The following OSBPL1A variants were observed in gnomAD, a reference collection of about 807,000 sequenced individuals.
OSBPL1A encodes oxysterol-binding protein-related protein 1.
Under a neutral mutation model 137.1 loss-of-function variants are expected in OSBPL1A, and 80 were observed. That is an observed-to-expected ratio of 0.58 (90% confidence interval 0.49 to 0.70). The LOEUF (loss-of-function observed/expected upper bound fraction) is 0.70. Among genes scored for constraint, OSBPL1A ranks in the 30% least tolerant of loss-of-function variants. OSBPL1A has a pLI of 0.00. For synonymous variants in OSBPL1A, 365 were observed against 389.7 expected (o/e 0.94, Z 0.75); for missense variants, 970 against 1,129.4 (o/e 0.86, Z 2.02).
intron 18 of OSBPL1A, among the ~76,000 whole-genome samples, chr18:24,189,527 G>A (rs2086832653): frequency 6.6e-6 from 1 of 152,140 alleles, no homozygotes; most frequent in South Asian, 2.1e-4. Flanking sequence ...GATGAAGATG[G>A]CACTGGATGT....
At chr18:24,264,682 GCTTAT>G (rs1345007968) in intron 15 of OSBPL1A, among the ~76,000 whole-genome samples, 4 of 152,328 alleles carry the variant, frequency 2.6e-5, no homozygotes, top group African/African-American at 7.2e-5. Context: ...TTGGCCATCT[GCTTAT>G]CTTATTTCTA....
At chr18:24,277,812 T>C (rs1194094756) in intron 15 of OSBPL1A, among the ~76,000 whole-genome samples, 1 of 152,260 alleles carries the variant, frequency 6.6e-6, no homozygotes, top group East Asian at 1.9e-4. Flanking sequence ...TTGCAGTGCC[T>C]TCTCACTGTT....
chr18:24,203,607 C>T (rs758135586), intron 17 of OSBPL1A, among the ~76,000 whole-genome samples: 1 of 152,098 alleles, frequency 6.6e-6, no homozygotes, highest in Non-Finnish European at 1.5e-5. Context: ...AGTCTTTCCC[C>T]GCTTTGTTCT....
intron 17 of OSBPL1A, chr18:24,218,273 T>C (rs931240654): frequency 6.6e-6 from 1 of 152,192 alleles, no homozygotes; most frequent in South Asian, 2.1e-4. Flanking sequence ...TAGAGATACA[T>C]ACTGAGTTAT....
At position 24,322,106 on chromosome 18, in the gene OSBPL1A, CTTTTTT is replaced by C. The variant is rs71266986; in HGVS notation, c.626-3303_626-3298del. Among the ~76,000 whole-genome samples the C allele has an allele frequency of 4.1e-3, 506 of 122,762 alleles. 2 individuals carry two copies. Among genetic ancestry groups the C allele is most frequent in the Middle Eastern group, 8.8e-3 (2 of 228 alleles). 80.5% of individuals were successfully genotyped at this position (122,762 alleles called of 152,430 possible). A position where few individuals can be genotyped will look rare whatever the true frequency, so the allele number is the denominator to read the frequency against. ...TTTTAACATAGAGAGAAATATGTGA[CTTTTTT>C]TTTTTTTTTTTTTTTGAGACAGAGT... On this transcript the variant is annotated intron_variant, in intron 7 of 27. Transcript: ENST00000319481.
intron 1 of OSBPL1A, among the ~76,000 whole-genome samples, chr18:24,390,964 G>C (rs958045893): frequency 6.6e-6 from 1 of 151,958 alleles, no homozygotes; most frequent in Admixed American, 6.6e-5. Flanking sequence ...GCCTGGTGTG[G>C]CGGTGCGTGC....
At chr18:24,190,558 C>T (rs751813204) in intron 18 of OSBPL1A, among the ~76,000 whole-genome samples, 1 of 152,090 alleles carries the variant, frequency 6.6e-6, no homozygotes, top group Non-Finnish European at 1.5e-5. Flanking sequence ...GAGAAAGACA[C>T]GACATGAGAA....
At position 24,318,575 on chromosome 18, in the gene OSBPL1A, A is replaced by G. The variant is rs756687952; in HGVS notation, c.732+26T>C. On this transcript the variant is annotated intron_variant, in intron 9 of 27. Transcript: ENST00000319481. Reference sequence around the variant, plus strand: ...CCTGAGAATTATTCTTTACAGTTATATAATTAAAAAACCACCTCAACTTAC... The same window carrying G: ...CCTGAGAATTATTCTTTACAGTTATGTAATTAAAAAACCACCTCAACTTAC... 7.0e-6 allele frequency: 11 copies of G among 1,578,162 alleles called. No individual in the cohort carries two copies. The Admixed American group carries it at 1.6e-4, about 23-fold the overall frequency.
At chr18:24,264,430 C>T (rs563258151) in intron 15 of OSBPL1A, among the ~76,000 whole-genome samples, 1 of 152,128 alleles carries the variant, frequency 6.6e-6, no homozygotes, top group South Asian at 2.1e-4. Flanking sequence ...GGTGTAACGC[C>T]AACTTATAAT....
intron 26 of OSBPL1A, 128 bp downstream of exon 26, chr18:24,166,446 TAACTC>T (rs2086147453): frequency 7.1e-6 from 8 of 1,120,786 alleles, no homozygotes; most frequent in Non-Finnish European, 1.2e-6. Flanking sequence ...AATTGAATGT[TAACTC>T]AAACTTAATC....
In OSBPL1A at chr18:24,334,604, G is replaced by A. The variant is rs147595516; in HGVS notation, c.395-274C>T. 2.6e-5 allele frequency among the ~76,000 whole-genome samples: 4 copies of A among 152,128 alleles called. No individual in the cohort carries two copies. In the East Asian group the frequency reaches 5.8e-4, roughly 22 times the overall value. On this transcript the variant is annotated intron_variant, in intron 5 of 27. Transcript: ENST00000319481. ...TAATTATGGATTACTTTTATGTACC[G>A]AAACACTATTACATATTTGCCTTGG...
At chr18:24,332,917 C>A in intron 7 of OSBPL1A, 25 bp downstream of exon 7, 1 of 1,605,584 alleles carries the variant, frequency 6.2e-7, no homozygotes, top group South Asian at 1.1e-5. Flanking sequence ...AAATGGCCAA[C>A]GATGGTTTTC....
intron 1 of OSBPL1A, among the ~76,000 whole-genome samples, chr18:24,394,449 C>T (rs543561978): frequency 6.6e-6 from 1 of 152,238 alleles, no homozygotes; most frequent in South Asian, 2.1e-4. Context: ...CCTAGATGCA[C>T]CCCTGATTTG....
intron 17 of OSBPL1A, among the ~76,000 whole-genome samples, chr18:24,205,488 A>ACATT (rs530233591): frequency 2.2e-3 from 338 of 152,360 alleles, no homozygotes; most frequent in Non-Finnish European, 3.8e-3. Context: ...CCAACAATAC[A>ACATT]CATTCACCCC....
At chr18:24,353,161 C>T (rs1740111353) in intron 4 of OSBPL1A, among the ~76,000 whole-genome samples, 1 of 152,090 alleles carries the variant, frequency 6.6e-6, no homozygotes, top group African/African-American at 2.4e-5. Context: ...TTTTTGCAAC[C>T]TATTCGTCTG....
At chr18:24,239,460 T>G in intron 15 of OSBPL1A, 78 bp from the exon 16 acceptor site, 1 of 1,343,182 alleles carries the variant, frequency 7.4e-7, no homozygotes, top group East Asian at 2.4e-5. Flanking sequence ...TGAAAATTAA[T>G]TGCTTTTGAT....
intron 15 of OSBPL1A, among the ~76,000 whole-genome samples, chr18:24,258,605 C>A (rs1029973225): frequency 1.8e-4 from 27 of 152,154 alleles, no homozygotes; most frequent in African/African-American, 6.3e-4. Flanking sequence ...AATTTAATTG[C>A]ACACTTTATA....
intron 17 of OSBPL1A, among the ~76,000 whole-genome samples, chr18:24,212,093 T>G (rs981894750): frequency 6.6e-6 from 1 of 151,530 alleles, no homozygotes; most frequent in Non-Finnish European, 1.5e-5. Flanking sequence ...TTTTGAGAGA[T>G]AGTCTCGCTC....
intron 17 of OSBPL1A, among the ~76,000 whole-genome samples, chr18:24,199,831 A>C (rs2087162697): frequency 6.6e-6 from 1 of 152,190 alleles, no homozygotes; most frequent in Admixed American, 6.5e-5. Flanking sequence ...GTCAGGGCAC[A>C]GAAAGGCACC....
Sources: gnomAD v4.1 joint callset for allele counts (sites outside exome capture counted in the v4.1 genomes callset) on GRCh38, gnomAD v4.1.1 for gene constraint, MANE v1.5 for transcripts, NCBI Gene and HGNC (gene_info 2026-07-23, HGNC 2026-07-21) for gene names.